The following TAOK1 variants were observed in gnomAD, a reference collection of about 807,000 sequenced individuals.
The protein encoded by TAOK1 is TAO kinase 1.
Under a neutral mutation model 138.3 loss-of-function variants are expected in TAOK1, and 21 were observed. That is an observed-to-expected ratio of 0.15 (90% CI 0.11 to 0.22). The LOEUF is 0.22. Among genes scored for constraint, TAOK1 ranks in the 10% least tolerant of loss-of-function variants. The probability of loss-of-function intolerance (pLI) is 1.00; values close to 1 mark genes in which losing one functional copy is unlikely to be tolerated. For missense variants in TAOK1, 651 were observed against 1,227.7 expected, an observed-to-expected ratio of 0.53 and a Z score of 7.02; for synonymous variants, 361 against 398.4, an observed-to-expected ratio of 0.91 and a Z score of 1.12.
At chr17:29,458,786 C>T (rs1204840793) in intron 2 of TAOK1, among the ~76,000 whole-genome samples, 3 of 152,212 alleles carry the variant, frequency 2.0e-5, no homozygotes, top group Non-Finnish European at 2.9e-5. Context: ...CCTCTGCCTC[C>T]TGGGTTCAAG....
intron 15 of TAOK1, among the ~76,000 whole-genome samples, chr17:29,516,253 G>T (rs9898181): frequency 1.3e-5 from 2 of 151,728 alleles, no homozygotes; most frequent in African/African-American, 4.8e-5. Context: ...GAGCCACCGC[G>T]CCCAGCCAAG....
Position 29,502,679 on chromosome 17 carries a change from T to A in TAOK1, c.1294T>A (p.Tyr432Asn). Residue 432 changes from tyrosine (Y) to asparagine (N), a missense_variant, in exon 13 of 20, where the codon TAT becomes AAT. Tyr to Asn is a moderately radical substitution (Grantham distance 143). Transcript: ENST00000261716. The stretch of plus-strand genomic sequence containing the variant: ...CCAAGTATCTCGTCACAAATCACAC[T>A]ATCGTAATCGAGAACACTTTGCTAC... ...PPQVSRHKSHYRNREHFATIR... is the reference protein window; with the variant it reads ...PPQVSRHKSHNRNREHFATIR... The A allele has an allele frequency of 6.2e-7, 1 of 1,613,916 alleles. No individual in the cohort carries two copies. The highest frequency in any genetic ancestry group is 1.3e-5 in the African/African-American group (1 of 74,970).
chr17:29,502,149 TA>T (rs2031541916), intron 12 of TAOK1, among the ~76,000 whole-genome samples: 1 of 152,084 alleles, frequency 6.6e-6, no homozygotes, highest in African/African-American at 2.4e-5. Context: ...ATATTGAAAA[TA>T]AAGTTGGACA....
intron 10 of TAOK1, among the ~76,000 whole-genome samples, chr17:29,492,655 G>C (rs2031319634): frequency 6.6e-6 from 1 of 152,120 alleles, no homozygotes; most frequent in South Asian, 2.1e-4. Flanking sequence ...AGCTGGGCGT[G>C]GTGGCGCATG....
intron 17 of TAOK1, among the ~76,000 whole-genome samples, chr17:29,528,455 A>G (rs1198081719): frequency 6.6e-6 from 1 of 152,200 alleles, no homozygotes; most frequent in Non-Finnish European, 1.5e-5. Context: ...AGACCATTGT[A>G]ATAACAATAT....
In TAOK1 at chr17:29,467,152, A is replaced by G. The variant is rs1433334738; in HGVS notation, c.140A>G (p.Asp47Gly). 11 of 1,591,402 alleles carry G rather than the reference A, an allele frequency of 6.9e-6. No homozygotes were observed. The highest frequency in any genetic ancestry group is 8.6e-7 in the Non-Finnish European group (1 of 1,166,232). ...GSFGAVYFAR[D>G]VRTNEVVAIK... The stretch of plus-strand genomic sequence containing the variant: ...TCTTTCTTTCTTCTTTAGGCACGAG[A>G]TGTGCGTACCAATGAAGTGGTGGCC... The change falls in exon 3 of 20, where the codon GAT becomes GGT. Residue 47 changes from aspartate (D) to glycine (G), a missense_variant. This residue lies in a region of TAOK1 where 116 missense variants were observed against 213.9 expected (regional missense o/e 0.54). Transcript: ENST00000261716.
At position 29,523,604 on chromosome 17, in the gene TAOK1, T is replaced by C. The variant is rs544557401; in HGVS notation, c.2148+1085T>C. Among the ~76,000 whole-genome samples the C allele has an allele frequency of 2.0e-5, 3 of 152,198 alleles. No individual in the cohort carries two copies. In the South Asian group the frequency reaches 6.2e-4, roughly 32 times the overall value. On this transcript the variant is annotated intron_variant, in intron 17 of 19. Coordinates refer to ENST00000261716, the MANE Select transcript of TAOK1 (RefSeq NM_020791.4). ...GGGTTCACCGTGTTAGCCAGGATGG[T>C]CTCAATCTCCTGACCTCGTGATCCA...
intron 2 of TAOK1, among the ~76,000 whole-genome samples, chr17:29,466,453 A>G (rs1297396580): frequency 6.6e-6 from 1 of 152,146 alleles, no homozygotes; most frequent in Non-Finnish European, 1.5e-5. Context: ...CTGTAATAGT[A>G]TATTTTATCC....
At chr17:29,533,685 A>G (rs2032170216) in intron 18 of TAOK1, among the ~76,000 whole-genome samples, 1 of 151,864 alleles carries the variant, frequency 6.6e-6, no homozygotes. Context: ...CCAAAAAAAT[A>G]CGAAAACCAG....
chr17:29,477,221 G>A (rs546756346), intron 4 of TAOK1, among the ~76,000 whole-genome samples: 24 of 152,152 alleles, frequency 1.6e-4, no homozygotes, highest in African/African-American at 5.5e-4. Context: ...GATGTGAAGG[G>A]CTGACTATAC....
At chr17:29,525,097 G>GTTTTTT (rs71138829) in intron 17 of TAOK1, among the ~76,000 whole-genome samples, 1 of 151,480 alleles carries the variant, frequency 6.6e-6, no homozygotes, top group Non-Finnish European at 1.5e-5. Context: ...CACAATGTTT[G>GTTTTTT]TTTTTTTTGT....
In TAOK1 at chr17:29,508,022, A is replaced by G. The variant is rs1328962865; in HGVS notation, c.1465A>G (p.Met489Val). ...MTLENKLKAE[M>V]DEHRLRLDKD... ...TCTGGAAAACAAGCTAAAGGCTGAG[A>G]TGGATGAACATCGCCTCAGATTAGA... is the stretch of plus-strand genomic sequence containing the variant. The change falls in exon 14 of 20, where the codon ATG becomes GTG. Residue 489 changes from methionine to valine, a missense_variant. Transcript: ENST00000261716. 2.5e-6 allele frequency: 4 copies of G among 1,614,036 alleles called. No individual in the cohort carries two copies. The African/African-American group carries it at 4.0e-5, about 16-fold the overall frequency.
At chr17:29,457,851 G>A (rs181431960) in intron 2 of TAOK1, among the ~76,000 whole-genome samples, 3 of 151,840 alleles carry the variant, frequency 2.0e-5, no homozygotes, top group South Asian at 2.1e-4. Context: ...TGGCTCACGC[G>A]TGTAATCTCA....
intron 16 of TAOK1, among the ~76,000 whole-genome samples, chr17:29,521,130 A>C (rs531481889): frequency 6.6e-6 from 1 of 152,316 alleles, no homozygotes; most frequent in East Asian, 1.9e-4. Flanking sequence ...ATTGTTGTTC[A>C]GTTTTTAAAA....
chr17:29,445,546 A>G (rs987060329), intron 1 of TAOK1: 6 of 152,082 alleles, frequency 3.9e-5, no homozygotes, highest in African/African-American at 1.4e-4. Flanking sequence ...TCATGAATGG[A>G]TGTTATCAAT....
Position 29,491,855 on chromosome 17 carries a change from A to G in TAOK1, c.821A>G (p.Glu274Gly), listed in dbSNP as rs755108222. Reference protein sequence around the residue: ...KIPQDRPTSEELLKHIFVLRE... With the variant: ...KIPQDRPTSEGLLKHIFVLRE... ...CCTCAAGATCGACCTACATCAGAGG[A>G]ACTTTTAAAGGTCAGTTCTATTATA... Residue 274 changes from glutamate to glycine, a missense_variant, in exon 10 of 20, where the codon GAA becomes GGA. Glu to Gly is a moderately conservative substitution (Grantham distance 98). Transcript: ENST00000261716. The G allele has an allele frequency of 1.2e-6, 2 of 1,611,576 alleles. No homozygotes were observed. Among genetic ancestry groups the G allele is most frequent in the East Asian group, 2.2e-5 (1 of 44,866 alleles).
chr17:29,520,653 G>A (rs2031897351), intron 16 of TAOK1, among the ~76,000 whole-genome samples: 1 of 151,590 alleles, frequency 6.6e-6, no homozygotes, highest in African/African-American at 2.4e-5. Context: ...GACCTCAGAT[G>A]ATCCGCCTGT....
intron 2 of TAOK1, among the ~76,000 whole-genome samples, chr17:29,455,360 C>G (rs909009573): frequency 2.0e-5 from 3 of 150,572 alleles, no homozygotes; most frequent in Admixed American, 1.3e-4. Context: ...TTTGTATGTT[C>G]TAGTATCTTT....
chr17:29,531,693 G>T (rs892008477), intron 18 of TAOK1, among the ~76,000 whole-genome samples: 1 of 151,400 alleles, frequency 6.6e-6, no homozygotes, highest in Admixed American at 6.6e-5. Flanking sequence ...AACCCCGGGG[G>T]CAGAGGTTGC....
Sources: allele counts gnomAD v4.1 joint callset (sites outside exome capture counted in the v4.1 genomes callset), GRCh38; gene constraint gnomAD v4.1.1; regional missense constraint gnomAD v4.1.1; transcripts MANE v1.5; gene names NCBI Gene and HGNC (gene_info 2026-07-23, HGNC 2026-07-21).